Variants in LRRC4C observed in about 807,000 individuals in gnomAD.
The protein encoded by LRRC4C is leucine-rich repeat-containing protein 4C.
Under a neutral mutation model 33.6 loss-of-function variants are expected in LRRC4C, and 5 were observed. The ratio of observed to expected loss-of-function variants is 0.15; its 90% CI spans 0.08 to 0.31. The LOEUF is 0.31. Among genes scored for constraint, LRRC4C ranks in the 10% least tolerant of loss-of-function variants. The probability of loss-of-function intolerance (pLI) is 1.00; values close to 1 mark genes in which losing one functional copy is unlikely to be tolerated. For synonymous variants in LRRC4C, 329 were observed against 302.0 expected, an observed-to-expected ratio of 1.09 and a Z score of -0.93; for missense variants, 560 against 796.7, an observed-to-expected ratio of 0.70 and a Z score of 3.58.
intron 3 of LRRC4C, among the ~76,000 whole-genome samples, chr11:40,351,871 A>G (rs1326965844): frequency 1.3e-5 from 2 of 152,052 alleles, no homozygotes; most frequent in African/African-American, 2.4e-5. Flanking sequence ...CTTTCATAGA[A>G]TATCTTTTTT....
intron 2 of LRRC4C, among the ~76,000 whole-genome samples, chr11:40,867,280 C>T (rs376383379): frequency 4.3e-4 from 66 of 152,194 alleles, no homozygotes; most frequent in East Asian, 7.7e-4. Context: ...GAAGCATGGA[C>T]GTGGGCTTTG....
At chr11:40,641,502 T>G (rs1942118450) in intron 3 of LRRC4C, among the ~76,000 whole-genome samples, 2 of 152,320 alleles carry the variant, frequency 1.3e-5, no homozygotes, top group Admixed American at 6.5e-5. Flanking sequence ...ACTATTATTA[T>G]TAATCTTGTG....
intron 3 of LRRC4C, among the ~76,000 whole-genome samples, chr11:40,536,318 C>T (rs7128294): frequency 0.087 from 13,290 of 152,042 alleles, 1,631 homozygotes; most frequent in African/African-American, 0.28. Flanking sequence ...CTCAGCCTCC[C>T]AAGTAGCTGG....
intron 2 of LRRC4C, among the ~76,000 whole-genome samples, chr11:40,807,654 G>A (rs887660125): frequency 7.2e-5 from 11 of 152,202 alleles, no homozygotes; most frequent in African/African-American, 2.7e-4. Context: ...GAAACTAGCA[G>A]GCATTGCAGT....
At chr11:40,532,610 T>C (rs777199206) in intron 3 of LRRC4C, among the ~76,000 whole-genome samples, 8 of 151,360 alleles carry the variant, frequency 5.3e-5, no homozygotes, top group Non-Finnish European at 1.2e-4. Context: ...GTAAGGGGTA[T>C]AAGATGAAAA....
intron 2 of LRRC4C, among the ~76,000 whole-genome samples, chr11:40,790,209 A>G (rs1371440652): frequency 6.6e-6 from 1 of 152,208 alleles, no homozygotes; most frequent in Non-Finnish European, 1.5e-5. Context: ...TATCGCATTG[A>G]CAGTTTTTGC....
chr11:40,439,138 C>T (rs1416104495), intron 3 of LRRC4C, among the ~76,000 whole-genome samples: 3 of 147,060 alleles, frequency 2.0e-5, no homozygotes, highest in Non-Finnish European at 3.0e-5. Flanking sequence ...AGATGGGTTT[C>T]ACCATGTTAC....
intron 2 of LRRC4C, among the ~76,000 whole-genome samples, chr11:40,865,532 T>A (rs1013887726): frequency 6.9e-6 from 1 of 144,044 alleles, no homozygotes; most frequent in Non-Finnish European, 1.5e-5. Context: ...TATATATATA[T>A]AATTTCAAAA....
At chr11:41,039,568 G>A (rs75487449) in intron 1 of LRRC4C, among the ~76,000 whole-genome samples, 3,973 of 152,262 alleles carry the variant, frequency 0.026, 84 homozygotes, top group Middle Eastern at 0.065. Context: ...GACAGCTTGC[G>A]TGGTCAACAC....
intron 1 of LRRC4C, among the ~76,000 whole-genome samples, chr11:41,353,946 T>C (rs1952071121): frequency 6.6e-6 from 1 of 152,118 alleles, no homozygotes; most frequent in Non-Finnish European, 1.5e-5. Flanking sequence ...CCTGGAAGCA[T>C]TCCCCTTGAG....
intron 1 of LRRC4C, among the ~76,000 whole-genome samples, chr11:41,029,316 T>C (rs1856575419): frequency 6.6e-6 from 1 of 151,752 alleles, no homozygotes; most frequent in Non-Finnish European, 1.5e-5. Flanking sequence ...GTTTATAGGC[T>C]TATACAAGCA....
chr11:41,381,280 C>A (rs750119819), intron 1 of LRRC4C, among the ~76,000 whole-genome samples: 1 of 152,006 alleles, frequency 6.6e-6, no homozygotes, highest in Non-Finnish European at 1.5e-5. Context: ...TGCATTTGAA[C>A]ACTTCAGACA....
intron 1 of LRRC4C, among the ~76,000 whole-genome samples, chr11:41,163,284 G>GTTTTCTTTTTTTTTTT (rs1944556600): frequency 1.4e-5 from 1 of 73,382 alleles, no homozygotes; most frequent in Non-Finnish European, 2.4e-5. Flanking sequence ...TACTGTAACT[G>GTTTTCTTTTTTTTTTT]TTTTTTTTTT....
chr11:40,892,666 C>T (rs1185880495), intron 2 of LRRC4C, among the ~76,000 whole-genome samples: 1 of 152,074 alleles, frequency 6.6e-6, no homozygotes, highest in Non-Finnish European at 1.5e-5. Flanking sequence ...AAACATTATG[C>T]TTAGTGAAAT....
intron 1 of LRRC4C, among the ~76,000 whole-genome samples, chr11:41,229,949 T>C (rs944599539): frequency 6.6e-6 from 1 of 152,112 alleles, no homozygotes; most frequent in Non-Finnish European, 1.5e-5. Flanking sequence ...ATAATTTAAT[T>C]GAAGTAAATT....
At chr11:41,375,005 T>C (rs1952885580) in intron 1 of LRRC4C, among the ~76,000 whole-genome samples, 1 of 152,014 alleles carries the variant, frequency 6.6e-6, no homozygotes, top group African/African-American at 2.4e-5. Flanking sequence ...CATGCATCTA[T>C]GGTCCCAGCT....
chr11:40,265,953 T>C (rs1447299071), intron 4 of LRRC4C, among the ~76,000 whole-genome samples: 4 of 152,198 alleles, frequency 2.6e-5, no homozygotes, highest in Non-Finnish European at 4.4e-5. Flanking sequence ...ATGGTTAATA[T>C]AGTATTCAAG....
intron 1 of LRRC4C, among the ~76,000 whole-genome samples, chr11:41,037,021 CA>C (rs1748692563): frequency 1.1e-5 from 1 of 89,606 alleles, no homozygotes; most frequent in South Asian, 4.7e-4. Flanking sequence ...GAGTGGTACC[CA>C]ATTAAACAAT....
At chr11:40,824,330 G>A (rs2135491596) in intron 2 of LRRC4C, among the ~76,000 whole-genome samples, 1 of 151,570 alleles carries the variant, frequency 6.6e-6, no homozygotes, top group African/African-American at 2.4e-5. Context: ...AGAATATTAG[G>A]ATAAAATTCA....
Sources: allele counts gnomAD v4.1 joint callset (sites outside exome capture counted in the v4.1 genomes callset), GRCh38; gene constraint gnomAD v4.1.1; transcripts MANE v1.5; gene names NCBI Gene and HGNC (gene_info 2026-07-23, HGNC 2026-07-21).